The following CRYBG1 variants were observed in gnomAD, a reference collection of about 807,000 sequenced individuals.
CRYBG1 encodes the protein beta/gamma crystallin domain-containing protein 1.
In CRYBG1, 139 loss-of-function variants were observed where a neutral mutation model predicts 189.2. The ratio of observed to expected loss-of-function variants is 0.73; its 90% CI spans 0.64 to 0.85. The LOEUF is 0.85. Ranked by LOEUF, CRYBG1 falls within the 40% of genes least tolerant of loss-of-function variation. CRYBG1 has a pLI of 0.00. For synonymous variants in CRYBG1, 1,023 were observed against 1,017.1 expected, an observed-to-expected ratio of 1.01 and a Z score of -0.11; for missense variants, 2,611 against 2,675.8, an observed-to-expected ratio of 0.98 and a Z score of 0.53.
chr6:106,391,528 T>C (rs1770500781), intron 1 of CRYBG1, among the ~76,000 whole-genome samples: 1 of 152,140 alleles, frequency 6.6e-6, no homozygotes, highest in Non-Finnish European at 1.5e-5. Context: ...TTGTTGTACC[T>C]GTTCAAATAT....
intron 13 of CRYBG1, among the ~76,000 whole-genome samples, chr6:106,545,853 A>AT (rs530793126): frequency 1.1e-4 from 17 of 150,226 alleles, no homozygotes; most frequent in East Asian, 2.0e-4. Flanking sequence ...TAATTTTTGT[A>AT]TTTTTTTTTA....
At chr6:106,391,946 T>C in intron 1 of CRYBG1, among the ~76,000 whole-genome samples, 1 of 119,124 alleles carries the variant, frequency 8.4e-6, no homozygotes, top group South Asian at 2.5e-4. Flanking sequence ...TGTGTGTGTG[T>C]GTGTGTGTGT....
intron 2 of CRYBG1, among the ~76,000 whole-genome samples, chr6:106,452,328 C>T (rs185730297): frequency 6.8e-6 from 1 of 147,478 alleles, no homozygotes; most frequent in Non-Finnish European, 1.5e-5. Flanking sequence ...GAGGCTGAGG[C>T]AGGAGAATCG....
At chr6:106,418,342 C>T (rs1237547737) in intron 1 of CRYBG1, among the ~76,000 whole-genome samples, 2 of 152,222 alleles carry the variant, frequency 1.3e-5, no homozygotes, top group African/African-American at 4.8e-5. Context: ...CAGAAGTTCT[C>T]ACCCTGTGTC....
At position 106,561,499 on chromosome 6, in the gene CRYBG1, G is replaced by C. The variant is rs1774719491; in HGVS notation, c.6137G>C (p.Arg2046Thr). The C allele has an allele frequency of 1.2e-6, 2 of 1,611,356 alleles. No homozygotes were observed. The highest frequency in any genetic ancestry group is 2.7e-5 in the African/African-American group (2 of 74,964). Residue 2046 changes from arginine (R) to threonine (T), a missense_variant and splice_region_variant, in exon 20 of 22, where the codon AGG (arginine) becomes ACG (threonine). Coordinates refer to ENST00000633556, the MANE Select transcript of CRYBG1 (RefSeq NM_001371242.2). ...WIYQEGCIKCRIAEDCCLTIV... is the reference protein window; with the variant it reads ...WIYQEGCIKCTIAEDCCLTIV... ...TATCAAGAAGGATGTATCAAATGCA[G>C]GGTGAGCTTTAGGATTCCACGGGGG...
chr6:106,370,277 A>G (rs1309502694), intron 1 of CRYBG1, among the ~76,000 whole-genome samples: 1 of 152,214 alleles, frequency 6.6e-6, no homozygotes, highest in Non-Finnish European at 1.5e-5. Context: ...AAAAAGCATT[A>G]CCAAGAGGTG....
At chr6:106,446,171 G>A (rs1437428546) in intron 1 of CRYBG1, among the ~76,000 whole-genome samples, 1 of 152,220 alleles carries the variant, frequency 6.6e-6, no homozygotes, top group Non-Finnish European at 1.5e-5. Context: ...AATGTTAGCA[G>A]GAAAGAGGTT....
At chr6:106,407,292 G>A (rs1770845056) in intron 1 of CRYBG1, among the ~76,000 whole-genome samples, 1 of 152,034 alleles carries the variant, frequency 6.6e-6, no homozygotes, top group African/African-American at 2.4e-5. Flanking sequence ...ACAAAAAAGA[G>A]CACTACATAA....
intron 1 of CRYBG1, among the ~76,000 whole-genome samples, chr6:106,423,205 G>A (rs1213592899): frequency 1.4e-5 from 2 of 146,658 alleles, no homozygotes; most frequent in Non-Finnish European, 3.0e-5. Context: ...ATTACCTGCA[G>A]ACTAAAAGAA....
chr6:106,447,688 G>A (rs1205321264), intron 1 of CRYBG1, among the ~76,000 whole-genome samples: 1 of 151,910 alleles, frequency 6.6e-6, no homozygotes, highest in Non-Finnish European at 1.5e-5. Context: ...TATTAAGGTT[G>A]GCTTTTAGGC....
At chr6:106,507,183 G>A (rs1184203245) in intron 2 of CRYBG1, among the ~76,000 whole-genome samples, 1 of 152,184 alleles carries the variant, frequency 6.6e-6, no homozygotes, top group Non-Finnish European at 1.5e-5. Flanking sequence ...TGCCCCTAAT[G>A]AGCCACATTT....
chr6:106,565,217 A>G (rs1774845799), intron 21 of CRYBG1, among the ~76,000 whole-genome samples: 1 of 152,026 alleles, frequency 6.6e-6, no homozygotes. Flanking sequence ...GCTATTTGGG[A>G]GGCTGAGGCA....
chr6:106,363,816 T>A (rs983639455), intron 1 of CRYBG1, among the ~76,000 whole-genome samples: 1 of 152,206 alleles, frequency 6.6e-6, no homozygotes, highest in Admixed American at 6.5e-5. Flanking sequence ...GCTGACTCTG[T>A]AGGGTTGTCA....
rs1562285541 is a variant in CRYBG1 at position 106,361,974 on chromosome 6, T to TTCTTTCTTTCTTTCTTTCTTTCTTTC, written c.173+894_173+895insCTTTCTTTCTTTCTTTCTTTCTTTCT. Among the ~76,000 whole-genome samples the TTCTTTCTTTCTTTCTTTCTTTCTTTC allele has an allele frequency of 1.8e-3, 231 of 128,120 alleles. 16 individuals carry two copies. Among genetic ancestry groups the TTCTTTCTTTCTTTCTTTCTTTCTTTC allele is most frequent in the African/African-American group, 6.7e-3 (202 of 30,372 alleles). 84.1% of individuals were successfully genotyped at this position (128,120 alleles called of 152,430 possible). A position where few individuals can be genotyped will look rare whatever the true frequency, so the allele number is the denominator to read the frequency against. On this transcript the variant is annotated intron_variant, in intron 1 of 21. Coordinates refer to ENST00000633556, the MANE Select transcript of CRYBG1 (RefSeq NM_001371242.2). The stretch of plus-strand genomic sequence containing the variant: ...TTCCTTTTATTTCTTTCTTTCTTTT[T>TTCTTTCTTTCTTTCTTTCTTTCTTTC]TTTTTTTTTTTTCTGAGACGGAGTC...
chr6:106,438,423 CAA>C (rs1771506704), intron 1 of CRYBG1, among the ~76,000 whole-genome samples: 1 of 152,066 alleles, frequency 6.6e-6, no homozygotes, highest in Non-Finnish European at 1.5e-5. Flanking sequence ...AGTCCAAAAT[CAA>C]AGTTTCAGCA....
intron 2 of CRYBG1, among the ~76,000 whole-genome samples, chr6:106,482,546 G>T (rs11961477): frequency 1.4e-4 from 21 of 152,120 alleles, no homozygotes; most frequent in Non-Finnish European, 2.5e-4. Flanking sequence ...GAGGCCGAGG[G>T]GGGTGAATCA....
intron 1 of CRYBG1, among the ~76,000 whole-genome samples, chr6:106,417,028 T>G (rs1170044245): frequency 9.2e-6 from 1 of 108,894 alleles, no homozygotes; most frequent in Non-Finnish European, 1.8e-5. Context: ...TTTTTTGAGA[T>G]ATGGTCTTGC....
chr6:106,566,883 C>T (rs1156594068), intron 21 of CRYBG1, among the ~76,000 whole-genome samples: 1 of 152,192 alleles, frequency 6.6e-6, no homozygotes, highest in Non-Finnish European at 1.5e-5. Context: ...CATCTGTCTT[C>T]TAGCTCATCT....
intron 1 of CRYBG1, among the ~76,000 whole-genome samples, chr6:106,377,681 AT>A (rs1770200027): frequency 6.7e-6 from 1 of 148,920 alleles, no homozygotes; most frequent in African/African-American, 2.5e-5. Context: ...ATTTAAATAA[AT>A]TTTGTCTATT....
Sources: gnomAD v4.1 joint callset for allele counts (sites outside exome capture counted in the v4.1 genomes callset) on GRCh38, gnomAD v4.1.1 for gene constraint, MANE v1.5 for transcripts, NCBI Gene and HGNC (gene_info 2026-07-23, HGNC 2026-07-21) for gene names.